The following PTBP3 variants were observed in gnomAD, a reference collection of about 807,000 sequenced individuals.
The protein encoded by PTBP3 is polypyrimidine tract-binding protein 3.
A neutral mutation model predicts 58.7 loss-of-function variants in PTBP3; 20 were observed. The observed-to-expected ratio is 0.34, with a 90% CI of 0.24 to 0.50. PTBP3 has a LOEUF of 0.50. Among genes scored for constraint, PTBP3 ranks in the 20% least tolerant of loss-of-function variants. The pLI, the probability that PTBP3 is intolerant of heterozygous loss-of-function variation, is 0.98. For synonymous variants in PTBP3, 185 were observed against 219.8 expected, an observed-to-expected ratio of 0.84 and a Z score of 1.40; for missense variants, 509 against 637.2, an observed-to-expected ratio of 0.80 and a Z score of 2.17.
chr9:112,266,303 T>C lies in PTBP3; in HGVS notation c.351+1746A>G, dbSNP rs952812876. Among the ~76,000 whole-genome samples the C allele has an allele frequency of 3.9e-5, 6 of 152,264 alleles. No individual in the cohort carries two copies. The East Asian group carries it at 9.6e-4, about 24-fold the overall frequency. On this transcript the variant is annotated intron_variant, in intron 4 of 13. Transcript: ENST00000374257. Reference sequence around the variant, plus strand: ...TTACTACAATAAAAAATGGGGAAAATGGCACTAACAGAAATCAGTATAAGT... The same window carrying C: ...TTACTACAATAAAAAATGGGGAAAACGGCACTAACAGAAATCAGTATAAGT...
At chr9:112,335,747 AC>A (rs994391389), upstream of PTBP3, among the ~76,000 whole-genome samples, 2 of 136,216 alleles carry the variant, frequency 1.5e-5, no homozygotes, top group South Asian at 4.8e-4. Flanking sequence ...ACATGGTGAA[AC>A]CCCCCATCTC....
intron 1 of PTBP3, among the ~76,000 whole-genome samples, chr9:112,311,577 T>C (rs556368292): frequency 2.0e-5 from 3 of 152,270 alleles, no homozygotes; most frequent in South Asian, 2.1e-4. Flanking sequence ...AGACTTCACC[T>C]ATACAGAGCC....
Position 112,222,006 on chromosome 9 carries a change from T to G in PTBP3, c.*1845A>C, listed in dbSNP as rs1834823586. Reference sequence around the variant, plus strand: ...ATAGCGCACTGCAGCCTTGAACTCCTGGGCTCAAGTGATCCTCCTGCCTGT... The same window carrying G: ...ATAGCGCACTGCAGCCTTGAACTCCGGGGCTCAAGTGATCCTCCTGCCTGT... On this transcript the variant is annotated 3_prime_UTR_variant, in exon 14 of 14. Transcript: ENST00000374257. 1.1e-6 allele frequency: 1 copy of G among 922,962 alleles called. No individual in the cohort carries two copies. Among genetic ancestry groups the G allele is most frequent in the African/African-American group, 1.8e-5 (1 of 55,846 alleles). The allele number at this position is 922,962 out of a possible 1,614,324, so 57.2% of individuals were successfully genotyped here.
the PTBP3 span, among the ~76,000 whole-genome samples, chr9:112,355,280 A>G: frequency 6.6e-6 from 1 of 152,230 alleles, no homozygotes; most frequent in Non-Finnish European, 1.5e-5. Context: ...AACAACATCA[A>G]TGCTCTGAGA....
intron 2 of PTBP3, 150 bp downstream of exon 2, chr9:112,297,682 G>T: frequency 2.2e-6 from 1 of 463,220 alleles, no homozygotes; most frequent in Non-Finnish European, 3.7e-6. Context: ...TTTCACCTAT[G>T]TAAACAGTAT....
At chr9:112,268,998 C>T (rs1001412589) in intron 3 of PTBP3, among the ~76,000 whole-genome samples, 9 of 151,888 alleles carry the variant, frequency 5.9e-5, no homozygotes, top group African/African-American at 2.2e-4. Context: ...GAGTTCAAGG[C>T]CAGCCTGGCC....
intron 1 of PTBP3, among the ~76,000 whole-genome samples, chr9:112,322,245 T>C (rs1240733475): frequency 3.9e-5 from 6 of 151,916 alleles, no homozygotes; most frequent in Non-Finnish European, 8.8e-5. Flanking sequence ...TTCAAAATTA[T>C]AGTCTTATCC....
At chr9:112,256,272 A>AATATATATACATATATATATAT (rs1260010370) in intron 5 of PTBP3, among the ~76,000 whole-genome samples, 9 of 82,914 alleles carry the variant, frequency 1.1e-4, no homozygotes, top group African/African-American at 5.8e-4. Context: ...AAAAAAACAA[A>AATATATATACATATATATATAT]ATATATATAT....
intron 3 of PTBP3, among the ~76,000 whole-genome samples, chr9:112,273,677 A>C (rs1243385665): frequency 2.0e-5 from 3 of 152,156 alleles, no homozygotes; most frequent in African/African-American, 7.2e-5. Flanking sequence ...CAAAAAGTCC[A>C]ATTTTCATAG....
chr9:112,243,764 T>G (rs1016244654), intron 7 of PTBP3, among the ~76,000 whole-genome samples: 2 of 152,190 alleles, frequency 1.3e-5, no homozygotes, highest in African/African-American at 4.8e-5. Flanking sequence ...TACTTCAAAC[T>G]TACATTGGGC....
intron 7 of PTBP3, among the ~76,000 whole-genome samples, chr9:112,236,002 G>T (rs536348346): frequency 1.3e-5 from 2 of 152,216 alleles, no homozygotes; most frequent in South Asian, 4.1e-4. Context: ...TATTACAGAA[G>T]TAGTGAGAGG....
chr9:112,309,098 GA>G (rs1829361363), intron 1 of PTBP3, among the ~76,000 whole-genome samples: 2 of 152,102 alleles, frequency 1.3e-5, no homozygotes, highest in African/African-American at 4.8e-5. Context: ...AAATGCATAT[GA>G]AATTCAAGAA....
At chr9:112,233,272 GGTGTGTGTGTGTGTGTGTGTGTGTGT>G (rs72086685) in intron 8 of PTBP3, among the ~76,000 whole-genome samples, 8 of 144,408 alleles carry the variant, frequency 5.5e-5, no homozygotes, top group African/African-American at 2.0e-4. Context: ...TACACTGTAG[GGTGTGTGTGTGTGTGTGTGTGTGTGT>G]GTGTGTGTGT....
chr9:112,325,191 A>G (rs913158234), intron 1 of PTBP3, among the ~76,000 whole-genome samples: 1 of 150,102 alleles, frequency 6.7e-6, no homozygotes, highest in Non-Finnish European at 1.5e-5. Flanking sequence ...GTCCCCGGAG[A>G]ACCTTCGACC....
chr9:112,322,835 T>G (rs1244577118), intron 1 of PTBP3, among the ~76,000 whole-genome samples: 1 of 152,252 alleles, frequency 6.6e-6, no homozygotes, highest in East Asian at 1.9e-4. Flanking sequence ...GAGTTGTTTT[T>G]CAGTTGCTAT....
rs376248741 is a variant in PTBP3, at chr9:112,261,487, T to C, written c.516+948A>G. ...TAAGATGTATTTCAATTCTTACATATACAAGCACACACACACCTCTATGAC... is the reference window on the plus strand; with the variant it reads ...TAAGATGTATTTCAATTCTTACATACACAAGCACACACACACCTCTATGAC... On this transcript the variant is annotated intron_variant, in intron 5 of 13. Coordinates refer to ENST00000374257, the MANE Select transcript of PTBP3 (RefSeq NM_001163788.4). Among the ~76,000 whole-genome samples the C allele has an allele frequency of 2.3e-3, 343 of 152,316 alleles. 1 individual carries two copies. The highest frequency in any genetic ancestry group is 4.8e-3 in the South Asian group (23 of 4,834).
intron 2 of PTBP3, among the ~76,000 whole-genome samples, chr9:112,283,998 C>T (rs538433517): frequency 6.6e-6 from 1 of 152,326 alleles, no homozygotes; most frequent in Admixed American, 6.5e-5. Context: ...GAACCTCCAC[C>T]TACATTTCAG....
At chr9:112,360,199 T>C in the PTBP3 span, among the ~76,000 whole-genome samples, 85 of 152,288 alleles carry the variant, frequency 5.6e-4, no homozygotes, top group Middle Eastern at 3.4e-3. Context: ...AATTTTTTTT[T>C]CCAAGACAGG....
chr9:112,356,605 A>G, the PTBP3 span, among the ~76,000 whole-genome samples: 1 of 151,610 alleles, frequency 6.6e-6, no homozygotes, highest in African/African-American at 2.4e-5. Flanking sequence ...GGTGAAATAC[A>G]GCTTGATCCA....
Sources: allele counts gnomAD v4.1 joint callset (sites outside exome capture counted in the v4.1 genomes callset), GRCh38; gene constraint gnomAD v4.1.1; transcripts MANE v1.5; gene names NCBI Gene and HGNC (gene_info 2026-07-23, HGNC 2026-07-21).